The following EXPH5 variants were observed in gnomAD, a reference collection of about 807,000 sequenced individuals.
EXPH5 encodes the protein exophilin-5.
Under a neutral mutation model 41.1 loss-of-function variants are expected in EXPH5, and 42 were observed. The ratio of observed to expected loss-of-function variants is 1.02; its 90% CI spans 0.80 to 1.32. The LOEUF is 1.32. Among genes scored for constraint, EXPH5 ranks in the 40% most tolerant of loss-of-function variants. The probability of loss-of-function intolerance (pLI) is 0.00; values close to 1 mark genes in which losing one functional copy is unlikely to be tolerated. For synonymous variants in EXPH5, 798 were observed against 833.5 expected (o/e 0.96, Z 0.73); for missense variants, 2,298 against 2,314.5 (o/e 0.99, Z 0.15).
chr11:108,596,870 A>G (rs1405869703), upstream of EXPH5, among the ~76,000 whole-genome samples: 1 of 147,924 alleles, frequency 6.8e-6, no homozygotes, highest in Non-Finnish European at 1.5e-5. Flanking sequence ...TTTAAACACA[A>G]TGCTCTTAAA....
chr11:108,524,887 A>G (rs1214433557), intron 4 of EXPH5, among the ~76,000 whole-genome samples: 1 of 152,134 alleles, frequency 6.6e-6, no homozygotes, highest in Non-Finnish European at 1.5e-5. Flanking sequence ...GGCAGTGGGG[A>G]TACACAGCCT....
intron 1 of EXPH5, among the ~76,000 whole-genome samples, chr11:108,562,312 G>T (rs1311584215): frequency 2.0e-5 from 3 of 146,570 alleles, no homozygotes; most frequent in Non-Finnish European, 4.4e-5. Flanking sequence ...ATTACATCAG[G>T]CCGGGCTGGG....
At chr11:108,561,305 C>T (rs969833821) in intron 1 of EXPH5, among the ~76,000 whole-genome samples, 5 of 152,168 alleles carry the variant, frequency 3.3e-5, no homozygotes, top group African/African-American at 1.2e-4. Context: ...TTCCCTTTGA[C>T]ATTATTGGCA....
At chr11:108,529,161 A>G (rs939654432) in intron 3 of EXPH5, among the ~76,000 whole-genome samples, 1 of 152,098 alleles carries the variant, frequency 6.6e-6, no homozygotes, top group Non-Finnish European at 1.5e-5. Context: ...GAAAAAAACC[A>G]CTACAACAAC....
chr11:108,538,242 C>T (rs1231725934), intron 3 of EXPH5: 23 of 985,242 alleles, frequency 2.3e-5, no homozygotes, highest in East Asian at 1.1e-4. Context: ...TGACGGCACG[C>T]GGAACATATC....
intron 1 of EXPH5, among the ~76,000 whole-genome samples, chr11:108,544,685 G>T (rs2093929330): frequency 6.6e-6 from 1 of 152,114 alleles, no homozygotes; most frequent in South Asian, 2.1e-4. Flanking sequence ...TAATTTAACT[G>T]AGCATCATGT....
Position 108,516,585 on chromosome 11 carries a change from GTGTC to G in EXPH5, c.631+1646_631+1649del, listed in dbSNP as rs534546780. Among the ~76,000 whole-genome samples the G allele has an allele frequency of 1.4e-4, 22 of 152,244 alleles. No individual in the cohort carries two copies. The South Asian group carries it at 4.1e-3, about 29-fold the overall frequency. The stretch of plus-strand genomic sequence containing the variant: ...AACTGTATAATGACAGGAAATGTAA[GTGTC>G]TGAGCACACATAAGTGAAATGTACA... On this transcript the variant is annotated intron_variant, in intron 5 of 5. Transcript: ENST00000265843.
intron 4 of EXPH5, among the ~76,000 whole-genome samples, chr11:108,526,733 A>G (rs10789666): frequency 0.31 from 46,824 of 152,148 alleles, 9,894 homozygotes; most frequent in African/African-American, 0.6. Flanking sequence ...TGGAGTTCCA[A>G]AAACCCAGGC....
At chr11:108,552,716 A>C (rs969636627) in intron 1 of EXPH5, among the ~76,000 whole-genome samples, 1 of 152,192 alleles carries the variant, frequency 6.6e-6, no homozygotes, top group Non-Finnish European at 1.5e-5. Context: ...CAGGAGTTTG[A>C]GACCAGCAAC....
At position 108,573,194 on chromosome 11, in the gene EXPH5, A is replaced by G. The variant is rs201569616; in HGVS notation, c.119+20224T>C. Among the ~76,000 whole-genome samples, 12 of 127,364 alleles carry G rather than the reference A, an allele frequency of 9.4e-5. No individual in the cohort carries two copies. In the East Asian group the frequency reaches 3.6e-3, roughly 38 times the overall value. 83.6% of individuals were successfully genotyped at this position (127,364 alleles called of 152,430 possible). ...AAAGAAAGAAAGAAAGAAAGAAAGA[A>G]AGAAAAAGAAAGAAAGAAAGAAAGA... On this transcript the variant is annotated intron_variant, in intron 1 of 5. Coordinates refer to ENST00000265843, the MANE Select transcript of EXPH5 (RefSeq NM_015065.3).
intron 4 of EXPH5, among the ~76,000 whole-genome samples, chr11:108,521,755 T>G (rs2093766354): frequency 6.6e-6 from 1 of 152,198 alleles, no homozygotes; most frequent in Non-Finnish European, 1.5e-5. Flanking sequence ...AAGTCCTTTC[T>G]TCTCAAATCT....
Position 108,546,575 on chromosome 11 carries a change from C to T in EXPH5, c.120-4763G>A, listed in dbSNP as rs536153086. 5.1e-4 allele frequency among the ~76,000 whole-genome samples: 77 copies of T among 152,236 alleles called. 1 individual carries two copies. The highest frequency in any genetic ancestry group is 1.8e-3 in the African/African-American group (76 of 41,534). Reference sequence around the variant, plus strand: ...GTGCCACTTACAGATATCATGCATACATAATCTTTAAAAACCCAAAAGTTA... The same window carrying T: ...GTGCCACTTACAGATATCATGCATATATAATCTTTAAAAACCCAAAAGTTA... On this transcript the variant is annotated intron_variant, in intron 1 of 5. Transcript: ENST00000265843.
At chr11:108,585,973 C>A (rs1023992094) in intron 1 of EXPH5, among the ~76,000 whole-genome samples, 2 of 152,188 alleles carry the variant, frequency 1.3e-5, no homozygotes, top group African/African-American at 4.8e-5. Flanking sequence ...AAGTCTTGCT[C>A]TGTAGCCCAT....
intron 4 of EXPH5, among the ~76,000 whole-genome samples, chr11:108,521,979 T>C (rs191313179): frequency 6.6e-6 from 1 of 152,274 alleles, no homozygotes; most frequent in East Asian, 1.9e-4. Context: ...GATGACCCTC[T>C]CTAGATTGGG....
the EXPH5 span, among the ~76,000 whole-genome samples, chr11:108,604,420 G>T: frequency 2.0e-5 from 3 of 151,758 alleles, no homozygotes; most frequent in Non-Finnish European, 4.4e-5. Flanking sequence ...GGGTGGGAGA[G>T]GGCTGGATAT....
In EXPH5 at chr11:108,511,315, A is replaced by G. The variant is rs376155497; in HGVS notation, c.4192T>C (p.Leu1398=). The part of the protein sequence containing the change: ...KLQSETLHTS[L]MLQRKNVSEE... Reference sequence around the variant, plus strand: ...GATACATTTTTTCTCTGAAGCATCAATGAAGTATGCAGGGTTTCACTTTGC... The same window carrying G: ...GATACATTTTTTCTCTGAAGCATCAGTGAAGTATGCAGGGTTTCACTTTGC... Residue 1398 remains leucine, a synonymous_variant, in exon 6 of 6, where the codon TTG becomes CTG. Coordinates refer to ENST00000265843, the MANE Select transcript of EXPH5 (RefSeq NM_015065.3). 1.1e-5 allele frequency: 17 copies of G among 1,599,994 alleles called. No individual in the cohort carries two copies. The highest frequency in any genetic ancestry group is 1.4e-5 in the Non-Finnish European group (16 of 1,175,210).
At chr11:108,604,714 C>G in the EXPH5 span, among the ~76,000 whole-genome samples, 8 of 151,880 alleles carry the variant, frequency 5.3e-5, no homozygotes, top group African/African-American at 1.7e-4. Context: ...GGTGTTAAGG[C>G]CAAGGAGAAT....
At chr11:108,593,366 C>T (rs2136132793) in intron 1 of EXPH5, 52 bp downstream of exon 1, 2 of 1,521,080 alleles carry the variant, frequency 1.3e-6, no homozygotes, top group East Asian at 2.3e-5. Flanking sequence ...CGCGGATCCC[C>T]GGCCCCTGCG....
intron 4 of EXPH5, among the ~76,000 whole-genome samples, chr11:108,525,232 A>C (rs897487565): frequency 6.6e-6 from 1 of 152,140 alleles, no homozygotes; most frequent in Non-Finnish European, 1.5e-5. Context: ...TCTCTTTATC[A>C]GCAGCATGAA....
Sources: gnomAD v4.1 joint callset for allele counts (sites outside exome capture counted in the v4.1 genomes callset) on GRCh38, gnomAD v4.1.1 for gene constraint, MANE v1.5 for transcripts, NCBI Gene and HGNC (gene_info 2026-07-23, HGNC 2026-07-21) for gene names.